The following ANGPTL1 variants were observed in gnomAD, a reference collection of about 807,000 sequenced individuals.
ANGPTL1 encodes angiopoietin-related protein 1.
In ANGPTL1, 36 loss-of-function variants were observed where a neutral mutation model predicts 46.7. That is an observed-to-expected ratio of 0.77 (90% confidence interval 0.59 to 1.02). The LOEUF is 1.02. Ranked by LOEUF, ANGPTL1 falls within the 50% of genes least tolerant of loss-of-function variation. The pLI is 0.00. For synonymous variants in ANGPTL1, 221 were observed against 204.3 expected (o/e 1.08, Z -0.69); for missense variants, 571 against 594.7 (o/e 0.96, Z 0.41).
intron 3 of ANGPTL1, among the ~76,000 whole-genome samples, chr1:178,854,919 T>G (rs1657427277): frequency 6.6e-6 from 1 of 152,182 alleles, no homozygotes; most frequent in Admixed American, 6.5e-5. Context: ...GTGAATATCA[T>G]CCTTCTCCAG....
chr1:178,860,454 A>T (rs940347163), intron 3 of ANGPTL1, among the ~76,000 whole-genome samples: 3 of 152,234 alleles, frequency 2.0e-5, no homozygotes, highest in Non-Finnish European at 4.4e-5. Context: ...TGTGATATGC[A>T]TAATTACTGT....
rs74784251 is a variant in ANGPTL1 at position 178,856,740 on chromosome 1, G to C, written c.824-2953C>G. ...ACATAATTGTAGCTTATTTAATAAA[G>C]TAGCTTATTTAATGTCTGCTTATTT... is the stretch of plus-strand genomic sequence containing the variant. On this transcript the variant is annotated intron_variant, in intron 3 of 5. Coordinates refer to ENST00000234816, the MANE Select transcript of ANGPTL1 (RefSeq NM_004673.4). Among the ~76,000 whole-genome samples, 290 of 151,996 alleles carry C rather than the reference G, an allele frequency of 1.9e-3. 2 individuals carry two copies. Among genetic ancestry groups the C allele is most frequent in the African/African-American group, 6.8e-3 (281 of 41,444 alleles).
intron 3 of ANGPTL1, among the ~76,000 whole-genome samples, chr1:178,856,797 T>G (rs1657617898): frequency 6.6e-6 from 1 of 152,204 alleles, no homozygotes. Context: ...CAAAGATGAA[T>G]GTACAGTCAT....
chr1:178,868,504 A>G (rs1658555670), intron 2 of ANGPTL1, among the ~76,000 whole-genome samples: 1 of 152,028 alleles, frequency 6.6e-6, no homozygotes, highest in Non-Finnish European at 1.5e-5. Context: ...AAACTCTAAA[A>G]CAAATAGAAT....
At chr1:178,864,884 G>T in intron 3 of ANGPTL1, 70 bp downstream of exon 3, 2 of 1,050,002 alleles carry the variant, frequency 1.9e-6, no homozygotes, top group South Asian at 6.7e-5. Context: ...CATTTATTAT[G>T]AGCATTGTTT....
intron 3 of ANGPTL1, among the ~76,000 whole-genome samples, chr1:178,857,095 G>A (rs1657639230): frequency 1.3e-5 from 2 of 152,124 alleles, no homozygotes; most frequent in African/African-American, 4.8e-5. Flanking sequence ...CAGAAAAGAT[G>A]AAATTTACAG....
intron 3 of ANGPTL1, among the ~76,000 whole-genome samples, chr1:178,854,768 A>G (rs945030376): frequency 1.1e-4 from 17 of 152,074 alleles, no homozygotes; most frequent in African/African-American, 3.6e-4. Flanking sequence ...ATTTGCCCTC[A>G]TGTTATTTCA....
intron 3 of ANGPTL1, among the ~76,000 whole-genome samples, chr1:178,855,924 TAC>T (rs1302978581): frequency 3.3e-5 from 5 of 149,528 alleles, no homozygotes; most frequent in African/African-American, 4.9e-5. Context: ...ATACACGAAT[TAC>T]ATTGAATATA....
chr1:178,851,440 C>G lies in ANGPTL1; in HGVS notation c.1289-124G>C, dbSNP rs570153930. 18 of 862,466 alleles carry G rather than the reference C, an allele frequency of 2.1e-5. No homozygotes were observed. The African/African-American group carries it at 3.1e-4, about 15-fold the overall frequency. 53.4% of individuals were successfully genotyped at this position (862,466 alleles called of 1,614,324 possible). A position where few individuals can be genotyped will look rare whatever the true frequency, so the allele number is the denominator to read the frequency against. ...TTACTAATCCCAGTTACCTTTATCT[C>G]AGCAGTTTTAAATGCCTTCACTTAC... On this transcript the variant is annotated intron_variant, in intron 5 of 5. Coordinates refer to ENST00000234816, the MANE Select transcript of ANGPTL1 (RefSeq NM_004673.4).
rs192811755 is a variant in ANGPTL1, at chr1:178,858,577, T to A, written c.824-4790A>T. ...CAAGAGTCTTCTCAAAGCAGGCAAC[T>A]GGAATTCTGTACATTGAATTTGAAG... On this transcript the variant is annotated intron_variant, in intron 3 of 5. Coordinates refer to ENST00000234816, the MANE Select transcript of ANGPTL1 (RefSeq NM_004673.4). 2.8e-3 allele frequency among the ~76,000 whole-genome samples: 424 copies of A among 152,302 alleles called. 5 individuals carry two copies. Among genetic ancestry groups the A allele is most frequent in the East Asian group, 7.7e-4 (4 of 5,194 alleles).
At chr1:178,864,473 A>T (rs1658247050) in intron 3 of ANGPTL1, among the ~76,000 whole-genome samples, 1 of 152,198 alleles carries the variant, frequency 6.6e-6, no homozygotes, top group African/African-American at 2.4e-5. Flanking sequence ...TAGTTGAGTC[A>T]TCTGCTGAGA....
At chr1:178,865,862 T>C (rs1658372136) in intron 2 of ANGPTL1, 60 bp from the exon 3 acceptor site, 1 of 1,014,906 alleles carries the variant, frequency 9.9e-7, no homozygotes, top group Admixed American at 2.6e-5. Flanking sequence ...TAATCTATGT[T>C]AAAGTCAGTA....
At position 178,851,331 on chromosome 1, in the gene ANGPTL1, TAC is replaced by T. The variant is rs757394461; in HGVS notation, c.1289-17_1289-16del. On this transcript the variant is annotated splice_polypyrimidine_tract_variant and intron_variant, in intron 5 of 5. Coordinates refer to ENST00000234816, the MANE Select transcript of ANGPTL1 (RefSeq NM_004673.4). ...GGCGCAGTTTCCTTTGAGGAAAAAA[TAC>T]AGATATAAATGTAAAAGTTTCTTCT... 3 of 1,598,696 alleles carry T rather than the reference TAC, an allele frequency of 1.9e-6. No individual in the cohort carries two copies.
rs1339333867 is a variant in ANGPTL1 at position 178,865,454 on chromosome 1, A to G, written c.323T>C (p.Val108Ala). 1.9e-6 allele frequency: 3 copies of G among 1,614,024 alleles called. No individual in the cohort carries two copies. Among genetic ancestry groups the G allele is most frequent in the East Asian group, 2.2e-5 (1 of 44,874 alleles). ...TACCTCATTCACAATGTTTCCATCT[A>G]CATCCACCACCAGTTGCAGAACATC... The part of the protein sequence containing the change: ...EIDVLQLVVD[V>A]DGNIVNEVKL... The change falls in exon 3 of 6, where the codon GTA becomes GCA. Residue 108 changes from valine (V) to alanine (A), a missense_variant. Val to Ala is a moderately conservative substitution (Grantham distance 64). Coordinates refer to ENST00000234816, the MANE Select transcript of ANGPTL1 (RefSeq NM_004673.4).
chr1:178,851,766 A>C (rs1209573498), intron 5 of ANGPTL1, among the ~76,000 whole-genome samples: 1 of 152,168 alleles, frequency 6.6e-6, no homozygotes. Context: ...GTTATGGTCT[A>C]TCTCTCCTCT....
rs776525329 is a variant in ANGPTL1 at position 178,850,266 on chromosome 1, A to G, written c.*863T>C. 6.6e-6 allele frequency: 1 copy of G among 152,576 alleles called. No homozygotes were observed. The highest frequency in any genetic ancestry group is 1.5e-5 in the Non-Finnish European group (1 of 68,030). 9.5% of individuals were successfully genotyped at this position (152,576 alleles called of 1,614,324 possible). ...GGTTGGGTTTTTTTTTCTTTGTAGT[A>G]GTAAGATCAGTAAATTAGAAAAAAA... On this transcript the variant is annotated 3_prime_UTR_variant, in exon 6 of 6. Coordinates refer to ENST00000234816, the MANE Select transcript of ANGPTL1 (RefSeq NM_004673.4).
chr1:178,865,590 G>A lies in ANGPTL1; in HGVS notation c.187C>T (p.Pro63Ser). ...TGCCCCTTGGTGTTGACACAGATTG[G>A]CCCTGTTATTCTTTGTTCAGGTACC... ...FLVPEQRITG[P>S]ICVNTKGQDA... is the part of the protein sequence containing the mutation. The change falls in exon 3 of 6, where the codon CCA (proline) becomes TCA (serine). Residue 63 changes from proline (P) to serine (S), a missense_variant. By Grantham distance (74) the Pro-to-Ser change is moderately conservative. Coordinates refer to ENST00000234816, the MANE Select transcript of ANGPTL1 (RefSeq NM_004673.4). 1 of 1,613,944 alleles carries A rather than the reference G, an allele frequency of 6.2e-7. No homozygotes were observed. Among genetic ancestry groups the A allele is most frequent in the Non-Finnish European group, 8.5e-7 (1 of 1,179,934 alleles).
In ANGPTL1 at chr1:178,864,973, C is replaced by T. The variant is rs371840000; in HGVS notation, c.804G>A (p.Pro268=). ...SPTKSPFKIP[P]VTFINEGPFK... ...ACTCACCTTCATTGATGAAAGTTAC[C>T]GGTGGTATCTTGAAAGGGCTTTTGG... is the stretch of plus-strand genomic sequence containing the variant. Residue 268 remains proline (P), a synonymous_variant, in exon 3 of 6, where the codon CCG becomes CCA. Coordinates refer to ENST00000234816, the MANE Select transcript of ANGPTL1 (RefSeq NM_004673.4). 1.6e-5 allele frequency: 23 copies of T among 1,453,438 alleles called. No individual in the cohort carries two copies. Among genetic ancestry groups the T allele is most frequent in the African/African-American group, 1.1e-4 (8 of 70,470 alleles). The allele number at this position is 1,453,438 out of a possible 1,614,324, so 90.0% of individuals were successfully genotyped here.
intron 3 of ANGPTL1, among the ~76,000 whole-genome samples, chr1:178,862,781 G>C (rs1383283433): frequency 6.6e-6 from 1 of 152,078 alleles, no homozygotes; most frequent in Admixed American, 6.6e-5. Flanking sequence ...AGGAAAGTAG[G>C]CTTCATTCTT....
Sources: gnomAD v4.1 joint callset for allele counts (sites outside exome capture counted in the v4.1 genomes callset) on GRCh38, gnomAD v4.1.1 for gene constraint, MANE v1.5 for transcripts, NCBI Gene and HGNC (gene_info 2026-07-23, HGNC 2026-07-21) for gene names.